Variants in F13A1 observed in about 807,000 individuals in gnomAD.
F13A1 encodes the protein coagulation factor XIII A chain.
A neutral mutation model predicts 80.1 loss-of-function variants in F13A1; 47 were observed. The ratio of observed to expected loss-of-function variants is 0.59; its 90% CI spans 0.46 to 0.75. The LOEUF (loss-of-function observed/expected upper bound fraction) is 0.75, where lower values mean the gene tolerates loss of function less well. Among genes scored for constraint, F13A1 ranks in the 30% least tolerant of loss-of-function variants. F13A1 has a pLI of 0.00. For missense variants in F13A1, 817 were observed against 930.4 expected (o/e 0.88, Z 1.59); for synonymous variants, 349 against 344.9 (o/e 1.01, Z -0.13).
At position 6,253,060 on chromosome 6, in the gene F13A1, G is replaced by A. The variant is rs962048581; in HGVS notation, c.572-2131C>T. 2.0e-5 allele frequency among the ~76,000 whole-genome samples: 3 copies of A among 149,520 alleles called. No homozygotes were observed. The Admixed American group carries it at 2.0e-4, about 10-fold the overall frequency. On this transcript the variant is annotated intron_variant, in intron 4 of 14. Transcript: ENST00000264870. The stretch of plus-strand genomic sequence containing the variant: ...TGTAATCCTAGCTACTCGGGAGGCT[G>A]AGGCAGGAGAATCGCTTGAGCCCAG...
intron 4 of F13A1, among the ~76,000 whole-genome samples, chr6:6,264,442 GAAT>G (rs1367465963): frequency 6.6e-6 from 1 of 152,116 alleles, no homozygotes; most frequent in Non-Finnish European, 1.5e-5. Context: ...AATTTTCTTA[GAAT>G]AGGTTGCTTC....
intron 10 of F13A1, among the ~76,000 whole-genome samples, chr6:6,184,358 A>C (rs1205039047): frequency 6.6e-6 from 1 of 152,194 alleles, no homozygotes; most frequent in Non-Finnish European, 1.5e-5. Context: ...CGGGAGCATG[A>C]GCCCCAGCTT....
rs746149689 is a variant in F13A1 at position 6,145,791 on chromosome 6, G to A, written c.2046-19C>T. The A allele has an allele frequency of 1.2e-6, 2 of 1,613,874 alleles. No homozygotes were observed. The highest frequency in any genetic ancestry group is 3.3e-5 in the Admixed American group (2 of 60,000). Reference sequence around the variant, plus strand: ...GATTTCACTGAAAGGATGGAAAAGAGAGGAGAGGTTGGAAGATCCAGCTTT... The same window carrying A: ...GATTTCACTGAAAGGATGGAAAAGAAAGGAGAGGTTGGAAGATCCAGCTTT... On this transcript the variant is annotated intron_variant, in intron 14 of 14. Transcript: ENST00000264870.
chr6:6,223,090 C>G (rs144387775), intron 7 of F13A1, among the ~76,000 whole-genome samples: 1 of 152,200 alleles, frequency 6.6e-6, no homozygotes, highest in African/African-American at 2.4e-5. Context: ...ATCCCAGACA[C>G]GACTTGGTCA....
At chr6:6,201,277 C>G (rs1422377701) in intron 8 of F13A1, among the ~76,000 whole-genome samples, 2 of 152,224 alleles carry the variant, frequency 1.3e-5, no homozygotes, top group Non-Finnish European at 2.9e-5. Flanking sequence ...TTTTCTCTCA[C>G]TCTGACATCT....
chr6:6,273,617 T>C (rs1757949995), intron 3 of F13A1, among the ~76,000 whole-genome samples: 1 of 152,194 alleles, frequency 6.6e-6, no homozygotes, highest in African/African-American at 2.4e-5. Context: ...GTAAATTTCA[T>C]GATGTTAATT....
At chr6:6,160,811 T>G (rs1411930348) in intron 13 of F13A1, among the ~76,000 whole-genome samples, 2 of 152,024 alleles carry the variant, frequency 1.3e-5, no homozygotes, top group Non-Finnish European at 1.5e-5. Context: ...AACGCTTACT[T>G]TTAAAAACTC....
chr6:6,317,010 G>A (rs936150276), intron 2 of F13A1, among the ~76,000 whole-genome samples: 3 of 152,044 alleles, frequency 2.0e-5, no homozygotes, highest in South Asian at 2.1e-4. Flanking sequence ...CTGACTCCTC[G>A]TGGCAAGGAC....
At chr6:6,221,245 G>C (rs942485820) in intron 8 of F13A1, among the ~76,000 whole-genome samples, 4 of 152,010 alleles carry the variant, frequency 2.6e-5, no homozygotes, top group African/African-American at 7.3e-5. Context: ...GGACTTAGGG[G>C]GTCTCAAGGA....
At chr6:6,271,400 C>T (rs1757918823) in intron 3 of F13A1, among the ~76,000 whole-genome samples, 1 of 152,190 alleles carries the variant, frequency 6.6e-6, no homozygotes, top group Non-Finnish European at 1.5e-5. Context: ...CATCCATCAA[C>T]ATCCATGACT....
intron 6 of F13A1, among the ~76,000 whole-genome samples, chr6:6,238,057 G>A (rs1757435712): frequency 6.6e-6 from 1 of 152,260 alleles, no homozygotes; most frequent in Admixed American, 6.5e-5. Context: ...CTGATTTGAA[G>A]GTTTACTAGA....
chr6:6,264,268 T>C (rs987424530), intron 4 of F13A1, among the ~76,000 whole-genome samples: 1 of 152,232 alleles, frequency 6.6e-6, no homozygotes, highest in African/African-American at 2.4e-5. Context: ...ACACACATGA[T>C]ATAATCCAGA....
chr6:6,172,717 G>A (rs1760798910), intron 12 of F13A1, among the ~76,000 whole-genome samples: 1 of 152,136 alleles, frequency 6.6e-6, no homozygotes, highest in East Asian at 1.9e-4. Context: ...AAACTGCTGG[G>A]ATTACAGGCA....
intron 8 of F13A1, among the ~76,000 whole-genome samples, chr6:6,210,444 A>G (rs1192502435): frequency 2.0e-5 from 3 of 148,218 alleles, no homozygotes; most frequent in East Asian, 4.0e-4. Context: ...TCCCAGGTTC[A>G]TGCCATTCTC....
At chr6:6,231,522 T>C (rs1393642991) in intron 6 of F13A1, among the ~76,000 whole-genome samples, 1 of 152,088 alleles carries the variant, frequency 6.6e-6, no homozygotes, top group Admixed American at 6.6e-5. Flanking sequence ...AATTGAGGAA[T>C]ACTTCCCCGG....
chr6:6,239,438 G>A (rs1256457305), intron 6 of F13A1, among the ~76,000 whole-genome samples: 1 of 151,994 alleles, frequency 6.6e-6, no homozygotes, highest in East Asian at 1.9e-4. Flanking sequence ...TAATATCCAT[G>A]ATTTTTTACT....
intron 1 of F13A1, among the ~76,000 whole-genome samples, chr6:6,319,123 A>T (rs1327639451): frequency 6.6e-6 from 1 of 152,256 alleles, no homozygotes; most frequent in Admixed American, 6.5e-5. Flanking sequence ...AACCATGTCC[A>T]GACAAATGTT....
chr6:6,214,397 G>A (rs1349393537), intron 8 of F13A1, among the ~76,000 whole-genome samples: 34 of 147,310 alleles, frequency 2.3e-4, no homozygotes, highest in African/African-American at 1.3e-4. Context: ...GCTCAACTAC[G>A]TGGAAACTGA....
At chr6:6,298,858 T>A (rs1406061508) in intron 3 of F13A1, among the ~76,000 whole-genome samples, 1 of 149,218 alleles carries the variant, frequency 6.7e-6, no homozygotes. Flanking sequence ...GGTCTTTACA[T>A]TTTGGCATGA....
Sources: allele counts gnomAD v4.1 joint callset (sites outside exome capture counted in the v4.1 genomes callset), GRCh38; gene constraint gnomAD v4.1.1; transcripts MANE v1.5; gene names NCBI Gene and HGNC (gene_info 2026-07-23, HGNC 2026-07-21).